ETV6: variants seen among roughly 807,000 people sequenced by gnomAD.
The protein encoded by ETV6 is transcription factor ETV6.
A neutral mutation model predicts 51.1 loss-of-function variants in ETV6; 16 were observed. The ratio of observed to expected loss-of-function variants is 0.31; its 90% CI spans 0.21 to 0.48. The LOEUF (loss-of-function observed/expected upper bound fraction) is 0.48, where lower values mean the gene tolerates loss of function less well. Ranked by LOEUF, ETV6 falls within the 20% of genes least tolerant of loss-of-function variation. The probability of loss-of-function intolerance (pLI) is 0.99; values close to 1 mark genes in which losing one functional copy is unlikely to be tolerated. For missense variants in ETV6, 458 were observed against 594.8 expected (o/e 0.77, Z 2.39); for synonymous variants, 240 against 224.1 (o/e 1.07, Z -0.64).
At chr12:11,813,403 A>G (rs1945944010) in intron 2 of ETV6, among the ~76,000 whole-genome samples, 1 of 152,210 alleles carries the variant, frequency 6.6e-6, no homozygotes, top group Non-Finnish European at 1.5e-5. Context: ...TTGCCTTTTC[A>G]GTAGCAGAGG....
At chr12:11,790,479 G>A (rs556264833) in intron 2 of ETV6, among the ~76,000 whole-genome samples, 101 of 152,180 alleles carry the variant, frequency 6.6e-4, no homozygotes, top group African/African-American at 2.2e-3. Context: ...GTCTTTGGCT[G>A]CTTAGATTCC....
chr12:11,743,676 G>T (rs1284805965), intron 1 of ETV6, among the ~76,000 whole-genome samples: 2 of 152,204 alleles, frequency 1.3e-5, no homozygotes, highest in Admixed American at 6.5e-5. Context: ...TATTAGGCAT[G>T]TGTGGTCCAT....
chr12:11,649,988 C>T lies in ETV6; in HGVS notation c.-140C>T. ...CCCCGCCCCGCGCGCTCCAGACCCC[C>T]GGGGCGGCTGCCGGGAGAGATGCTG... On this transcript the variant is annotated 5_prime_UTR_variant, in exon 1 of 8. Transcript: ENST00000396373. 2.5e-6 allele frequency: 2 copies of T among 797,700 alleles called. No homozygotes were observed. Among genetic ancestry groups the T allele is most frequent in the East Asian group, 2.6e-5 (1 of 38,188 alleles). The allele number at this position is 797,700 out of a possible 1,614,324, so 49.4% of individuals were successfully genotyped here. A position where few individuals can be genotyped will look rare whatever the true frequency, so the allele number is the denominator to read the frequency against.
rs570578942 is a variant in ETV6 at position 11,794,976 on chromosome 12, A to G, written c.163+42397A>G. Among the ~76,000 whole-genome samples, 3 of 152,346 alleles carry G rather than the reference A, an allele frequency of 2.0e-5. No individual in the cohort carries two copies. In the South Asian group the frequency reaches 6.2e-4, roughly 32 times the overall value. On this transcript the variant is annotated intron_variant, in intron 2 of 7. Transcript: ENST00000396373. ...TTGTGACCGTTGAACTGACCGTAAC[A>G]GCCTTTCTCTGATGTCCATGGCATG...
intron 2 of ETV6, among the ~76,000 whole-genome samples, chr12:11,773,169 A>G (rs908040118): frequency 2.7e-5 from 4 of 148,294 alleles, no homozygotes; most frequent in Non-Finnish European, 6.0e-5. Flanking sequence ...ATTCCAGCTT[A>G]GTGACAGAGT....
At chr12:11,822,412 C>T (rs1035976523) in intron 2 of ETV6, among the ~76,000 whole-genome samples, 1 of 152,172 alleles carries the variant, frequency 6.6e-6, no homozygotes, top group African/African-American at 2.4e-5. Flanking sequence ...TCCCCTTTCC[C>T]GCACACTCTC....
At position 11,823,354 on chromosome 12, in the gene ETV6, A is replaced by T. The variant is rs57736713; in HGVS notation, c.164-15786A>T. On this transcript the variant is annotated intron_variant, in intron 2 of 7. Coordinates refer to ENST00000396373, the MANE Select transcript of ETV6 (RefSeq NM_001987.5). Reference sequence around the variant, plus strand: ...CTCATACTTTTGTGAACTATTAAAAATTTCATAGTTCTGACATCTGGACAT... The same window carrying T: ...CTCATACTTTTGTGAACTATTAAAATTTTCATAGTTCTGACATCTGGACAT... Among the ~76,000 whole-genome samples, 970 of 152,262 alleles carry T rather than the reference A, an allele frequency of 6.4e-3. 15 individuals carry two copies. The highest frequency in any genetic ancestry group is 0.023 in the African/African-American group (936 of 41,544).
intron 1 of ETV6, among the ~76,000 whole-genome samples, chr12:11,735,879 C>T (rs1220466752): frequency 2.6e-5 from 4 of 152,354 alleles, no homozygotes; most frequent in Admixed American, 2.0e-4. Context: ...GGATTACAGG[C>T]GTGAACCATC....
intron 1 of ETV6, among the ~76,000 whole-genome samples, chr12:11,702,417 C>G (rs750966488): frequency 6.6e-6 from 1 of 152,166 alleles, no homozygotes; most frequent in Non-Finnish European, 1.5e-5. Context: ...TGGACAGGTT[C>G]CTACCTTCAG....
intron 2 of ETV6, among the ~76,000 whole-genome samples, chr12:11,804,591 C>G (rs1200583035): frequency 6.6e-6 from 1 of 152,222 alleles, no homozygotes; most frequent in East Asian, 1.9e-4. Context: ...TCACCTTATC[C>G]AGGCCTCTGC....
intron 1 of ETV6, among the ~76,000 whole-genome samples, chr12:11,668,869 GACTGGTTCCTTTGGCAC>G: frequency 6.6e-6 from 1 of 152,276 alleles, no homozygotes; most frequent in Non-Finnish European, 1.5e-5. Context: ...TGGGCCAGCA[GACTGGTTCCTTTGGCAC>G]ATCCCTGTGC....
intron 2 of ETV6, among the ~76,000 whole-genome samples, chr12:11,759,407 A>G (rs1452208037): frequency 6.6e-6 from 1 of 152,122 alleles, no homozygotes; most frequent in Admixed American, 6.5e-5. Context: ...ACTGTTGACA[A>G]TGGGTTGTCC....
At chr12:11,804,591 C>T (rs1200583035) in intron 2 of ETV6, among the ~76,000 whole-genome samples, 1 of 152,222 alleles carries the variant, frequency 6.6e-6, no homozygotes, top group East Asian at 1.9e-4. Context: ...TCACCTTATC[C>T]AGGCCTCTGC....
intron 1 of ETV6, among the ~76,000 whole-genome samples, chr12:11,652,843 G>A (rs1863931731): frequency 6.6e-6 from 1 of 152,196 alleles, no homozygotes; most frequent in East Asian, 1.9e-4. Flanking sequence ...TGTGGTGGTC[G>A]CTCGCAATGA....
chr12:11,891,837 C>G lies in ETV6; in HGVS notation c.*791C>G, dbSNP rs1193212212. 1 of 327,686 alleles carries G rather than the reference C, an allele frequency of 3.1e-6. No homozygotes were observed. Among genetic ancestry groups the G allele is most frequent in the Non-Finnish European group, 5.9e-6 (1 of 169,654 alleles). 20.3% of individuals were successfully genotyped at this position (327,686 alleles called of 1,614,324 possible). A position where few individuals can be genotyped will look rare whatever the true frequency, so the allele number is the denominator to read the frequency against. ...GCACAGAATCAAACCCGCATCCCAG[C>G]ATTGGGCCACCCATCTGAGGGAGGC... On this transcript the variant is annotated 3_prime_UTR_variant, in exon 8 of 8. Transcript: ENST00000396373.
At position 11,880,032 on chromosome 12, in the gene ETV6, T is replaced by TAAA. The variant is rs59152213; in HGVS notation, c.1010-4396_1010-4394dup. Among the ~76,000 whole-genome samples, 932 of 117,726 alleles carry TAAA rather than the reference T, an allele frequency of 7.9e-3. 9 individuals carry two copies. Among genetic ancestry groups the TAAA allele is most frequent in the Non-Finnish European group, 0.011 (608 of 57,230 alleles). 77.2% of individuals were successfully genotyped at this position (117,726 alleles called of 152,430 possible). A position where few individuals can be genotyped will look rare whatever the true frequency, so the allele number is the denominator to read the frequency against. On this transcript the variant is annotated intron_variant, in intron 5 of 7. Transcript: ENST00000396373. ...TGACATGGCTTGAATGTCAATTGTT[T>TAAA]AAAAAAAAAAAAAAAAAAAGGAAAA...
intron 1 of ETV6, among the ~76,000 whole-genome samples, chr12:11,662,025 A>G (rs774672008): frequency 2.0e-5 from 3 of 152,180 alleles, no homozygotes; most frequent in Non-Finnish European, 4.4e-5. Flanking sequence ...AGGCAGGGCA[A>G]TGAGCAAAAG....
At chr12:11,805,233 G>T (rs1366917750) in intron 2 of ETV6, among the ~76,000 whole-genome samples, 1 of 152,074 alleles carries the variant, frequency 6.6e-6, no homozygotes, top group Non-Finnish European at 1.5e-5. Flanking sequence ...TTGTTTATTG[G>T]TATCTCCCCC....
chr12:11,732,791 C>T (rs1865626328), intron 1 of ETV6, among the ~76,000 whole-genome samples: 1 of 152,174 alleles, frequency 6.6e-6, no homozygotes, highest in Non-Finnish European at 1.5e-5. Context: ...AGATGCTCTT[C>T]TCCATTTCAA....
Sources: gnomAD v4.1 joint callset for allele counts (sites outside exome capture counted in the v4.1 genomes callset) on GRCh38, gnomAD v4.1.1 for gene constraint, MANE v1.5 for transcripts, NCBI Gene and HGNC (gene_info 2026-07-23, HGNC 2026-07-21) for gene names.